The following IQSEC1 variants were observed in gnomAD, a reference collection of about 807,000 sequenced individuals.
The protein encoded by IQSEC1 is IQ motif and SEC7 domain-containing protein 1.
A neutral mutation model predicts 91.0 loss-of-function variants in IQSEC1; 31 were observed. That is an observed-to-expected ratio of 0.34 (90% CI 0.26 to 0.46). The LOEUF (loss-of-function observed/expected upper bound fraction) is 0.46. Ranked by LOEUF, IQSEC1 falls within the 20% of genes least tolerant of loss-of-function variation. The pLI, the probability that IQSEC1 is intolerant of heterozygous loss-of-function variation, is 1.00. For synonymous variants in IQSEC1, 699 were observed against 662.6 expected (o/e 1.05, Z -0.84); for missense variants, 1,388 against 1,575.6 (o/e 0.88, Z 2.02).
intron 1 of IQSEC1, among the ~76,000 whole-genome samples, chr3:13,168,963 A>G (rs927062640): frequency 2.0e-5 from 3 of 152,190 alleles, no homozygotes; most frequent in African/African-American, 7.2e-5. Context: ...ATAGAACGTC[A>G]GCTCCATGAG....
chr3:12,915,207 C>T (rs1695962993), intron 7 of IQSEC1, 74 bp from the exon 8 acceptor site: 2 of 1,473,378 alleles, frequency 1.4e-6, no homozygotes, highest in Admixed American at 1.9e-5. Flanking sequence ...CTGCAAGTGC[C>T]CCTCCCTACA....
chr3:13,025,208 G>A (rs117520671), intron 1 of IQSEC1, among the ~76,000 whole-genome samples: 5 of 152,246 alleles, frequency 3.3e-5, no homozygotes, highest in Non-Finnish European at 5.9e-5. Flanking sequence ...GCAGGTCTGC[G>A]TGGAAGCCTT....
At chr3:12,952,589 T>C (rs1044200355) in intron 1 of IQSEC1, among the ~76,000 whole-genome samples, 3 of 152,086 alleles carry the variant, frequency 2.0e-5, no homozygotes, top group African/African-American at 4.8e-5. Context: ...CTCCTCTCAT[T>C]TGGCGGGACC....
chr3:13,273,723 TAA>T (rs1167793682), intron 1 of IQSEC1, among the ~76,000 whole-genome samples: 1 of 152,040 alleles, frequency 6.6e-6, no homozygotes. Context: ...TGCCCAGACC[TAA>T]GTCCCATCAC....
At chr3:12,911,888 C>T (rs113019446) in intron 9 of IQSEC1, among the ~76,000 whole-genome samples, 160 bp from the exon 10 acceptor site, 2,388 of 152,278 alleles carry the variant, frequency 0.016, 28 homozygotes, top group Middle Eastern at 0.041. Flanking sequence ...ACTCGGACAA[C>T]GGTTCCTGTC....
intron 1 of IQSEC1, among the ~76,000 whole-genome samples, chr3:13,035,540 G>A (rs1704004247): frequency 1.3e-5 from 2 of 152,168 alleles, no homozygotes; most frequent in East Asian, 3.9e-4. Flanking sequence ...ACCTGCCACT[G>A]ATTGAATGCC....
chr3:13,033,539 A>AT (rs1415233271), intron 1 of IQSEC1, among the ~76,000 whole-genome samples: 3 of 152,044 alleles, frequency 2.0e-5, no homozygotes, highest in East Asian at 3.8e-4. Flanking sequence ...ATATACATAT[A>AT]TTTTTTAAAA....
rs185155777 is a variant in IQSEC1, at chr3:12,930,532, G to A, written c.1568+4916C>T. Among the ~76,000 whole-genome samples, 11 of 152,328 alleles carry A rather than the reference G, an allele frequency of 7.2e-5. No individual in the cohort carries two copies. The East Asian group carries it at 2.1e-3, about 29-fold the overall frequency. On this transcript the variant is annotated intron_variant, in intron 3 of 13. Coordinates refer to ENST00000613206, the MANE Select transcript of IQSEC1 (RefSeq NM_001134382.3). ...CACAAGAGCCAGAAGGAGCCGATGAGGGGAGGAGAATCTCTCTTCCTCCTA... is the reference window on the plus strand; with the variant it reads ...CACAAGAGCCAGAAGGAGCCGATGAAGGGAGGAGAATCTCTCTTCCTCCTA...
At chr3:13,005,634 G>A (rs1007881621) in intron 1 of IQSEC1, among the ~76,000 whole-genome samples, 4 of 152,230 alleles carry the variant, frequency 2.6e-5, no homozygotes, top group African/African-American at 9.6e-5. Context: ...TCAGGATGTG[G>A]CTGGGGTGAT....
intron 1 of IQSEC1, among the ~76,000 whole-genome samples, chr3:13,176,067 C>G (rs444024): frequency 1.1e-4 from 17 of 152,356 alleles, no homozygotes; most frequent in Non-Finnish European, 2.4e-4. Flanking sequence ...CTGTCTTGCT[C>G]TCTGTGATTG....
chr3:13,009,369 T>G (rs373420138), intron 1 of IQSEC1, among the ~76,000 whole-genome samples: 2 of 152,186 alleles, frequency 1.3e-5, no homozygotes, highest in Non-Finnish European at 1.5e-5. Flanking sequence ...ATTTCTGACA[T>G]GGTGTAATGT....
intron 1 of IQSEC1, among the ~76,000 whole-genome samples, chr3:13,234,400 A>G (rs1325969073): frequency 1.3e-5 from 2 of 152,182 alleles, no homozygotes; most frequent in Non-Finnish European, 2.9e-5. Context: ...GCTGCTCCAC[A>G]GGAAGGGACC....
At chr3:13,275,406 G>A (rs1695659892) in intron 1 of IQSEC1, among the ~76,000 whole-genome samples, 1 of 152,232 alleles carries the variant, frequency 6.6e-6, no homozygotes, top group South Asian at 2.1e-4. Context: ...TGATACCTGG[G>A]TTCTAAGAAA....
chr3:12,908,262 C>T lies in IQSEC1; in HGVS notation c.2755+87G>A. 7.1e-7 allele frequency: 1 copy of T among 1,411,800 alleles called. No individual in the cohort carries two copies. Among genetic ancestry groups the T allele is most frequent in the Admixed American group, 1.9e-5 (1 of 52,648 alleles). 87.5% of individuals were successfully genotyped at this position (1,411,800 alleles called of 1,614,324 possible). A position where few individuals can be genotyped will look rare whatever the true frequency, so the allele number is the denominator to read the frequency against. On this transcript the variant is annotated intron_variant, in intron 12 of 13. Coordinates refer to ENST00000613206, the MANE Select transcript of IQSEC1 (RefSeq NM_001134382.3). This position sits in a 1 kb window ranked among gnomAD's most constrained non-coding sequence, Gnocchi z 4.9. Reference sequence around the variant, plus strand: ...CACTGGCTTCGCCGCAGGCCCTGCCCCGCGTGATGCATGCCCTGAATGCAG... The same window carrying T: ...CACTGGCTTCGCCGCAGGCCCTGCCTCGCGTGATGCATGCCCTGAATGCAG...
At chr3:12,947,969 A>G (rs1051624021) in intron 1 of IQSEC1, among the ~76,000 whole-genome samples, 3 of 152,236 alleles carry the variant, frequency 2.0e-5, no homozygotes, top group African/African-American at 7.2e-5. Flanking sequence ...TAGAGATCAC[A>G]ACTTGAAGAG....
intron 6 of IQSEC1, among the ~76,000 whole-genome samples, chr3:12,919,971 T>G (rs1216915477): frequency 6.6e-6 from 1 of 152,254 alleles, no homozygotes; most frequent in African/African-American, 2.4e-5. Context: ...GAAGCCGCAC[T>G]GGGCTAGAAC....
Position 13,170,926 on chromosome 3 carries a change from C to T in IQSEC1, c.273-6793G>A, listed in dbSNP as rs554513018. On this transcript the variant is annotated intron_variant, in intron 1 of 15. Transcript: ENST00000648114. The stretch of plus-strand genomic sequence containing the variant: ...CAGCCTGGCCAACATGGTGAAACCC[C>T]ATCTCTACTAAAAATACAAAAAAAT... Among the ~76,000 whole-genome samples, 8 of 152,072 alleles carry T rather than the reference C, an allele frequency of 5.3e-5. No homozygotes were observed. In the South Asian group the frequency reaches 1.7e-3, roughly 32 times the overall value.
intron 1 of IQSEC1, among the ~76,000 whole-genome samples, chr3:13,220,020 C>T (rs1238933648): frequency 6.6e-6 from 1 of 152,272 alleles, no homozygotes; most frequent in African/African-American, 2.4e-5. Context: ...TCCTGGGAAC[C>T]GGGGTCTGTG....
chr3:13,001,370 G>A (rs1057440935), intron 1 of IQSEC1, among the ~76,000 whole-genome samples: 4 of 152,176 alleles, frequency 2.6e-5, no homozygotes, highest in African/African-American at 4.8e-5. Flanking sequence ...CTGCTCTCCC[G>A]TCTGAGAAAT....
Sources: gnomAD v4.1 joint callset for allele counts (sites outside exome capture counted in the v4.1 genomes callset) on GRCh38, gnomAD v4.1.1 for gene constraint, Gnocchi (gnomAD v3.1) non-coding constraint, MANE v1.5 for transcripts, NCBI Gene and HGNC (gene_info 2026-07-23, HGNC 2026-07-21) for gene names.